Variants in LRRTM4 observed in about 807,000 individuals in gnomAD.
LRRTM4 encodes leucine-rich repeat transmembrane neuronal protein 4.
Under a neutral mutation model 47.6 loss-of-function variants are expected in LRRTM4, and 25 were observed. The ratio of observed to expected loss-of-function variants is 0.53; its 90% CI spans 0.38 to 0.73. The LOEUF is 0.73. Among genes scored for constraint, LRRTM4 ranks in the 30% least tolerant of loss-of-function variants. The probability of loss-of-function intolerance (pLI) is 0.00; values close to 1 mark genes in which losing one functional copy is unlikely to be tolerated. For missense variants in LRRTM4, 638 were observed against 713.4 expected (o/e 0.89, Z 1.20); for synonymous variants, 311 against 269.5 (o/e 1.15, Z -1.51).
At chr2:77,146,253 T>G (rs1227735754) in intron 3 of LRRTM4, among the ~76,000 whole-genome samples, 1 of 152,216 alleles carries the variant, frequency 6.6e-6, no homozygotes, top group African/African-American at 2.4e-5. Context: ...AACAGAATTA[T>G]AGTCATGACA....
intron 3 of LRRTM4, among the ~76,000 whole-genome samples, chr2:77,314,942 T>C (rs983722811): frequency 5.3e-5 from 8 of 152,190 alleles, no homozygotes; most frequent in Non-Finnish European, 2.9e-5. Context: ...CGTACTATGC[T>C]GTCAAATGAT....
chr2:76,776,456 G>C (rs1447764777), intron 3 of LRRTM4, among the ~76,000 whole-genome samples: 1 of 152,030 alleles, frequency 6.6e-6, no homozygotes, highest in Non-Finnish European at 1.5e-5. Flanking sequence ...CATTCTAACT[G>C]GTGTGAGATG....
At chr2:76,810,963 C>T (rs1670714480) in intron 3 of LRRTM4, among the ~76,000 whole-genome samples, 1 of 151,996 alleles carries the variant, frequency 6.6e-6, no homozygotes, top group Non-Finnish European at 1.5e-5. Context: ...ATTGTAACCA[C>T]TGGTTAAAAA....
chr2:77,252,007 C>T lies in LRRTM4; in HGVS notation c.1551+266311G>A, dbSNP rs558458083. On this transcript the variant is annotated intron_variant, in intron 3 of 3. Coordinates refer to ENST00000409884, the MANE Select transcript of LRRTM4 (RefSeq NM_001134745.3). ...AATATTGAAAATAAAATATTCCCTA[C>T]GACTTGCAGACAGATAACAGTATGC... 2.3e-4 allele frequency among the ~76,000 whole-genome samples: 35 copies of T among 152,180 alleles called. No homozygotes were observed. The South Asian group carries it at 5.2e-3, about 23-fold the overall frequency.
chr2:77,487,826 A>G (rs1298832473), intron 3 of LRRTM4, among the ~76,000 whole-genome samples: 1 of 152,140 alleles, frequency 6.6e-6, no homozygotes, highest in Non-Finnish European at 1.5e-5. Context: ...AAGCCCGTCA[A>G]AACCCCTGGA....
intron 3 of LRRTM4, among the ~76,000 whole-genome samples, chr2:77,375,635 T>C (rs1672808330): frequency 1.3e-5 from 2 of 151,806 alleles, no homozygotes; most frequent in South Asian, 4.1e-4. Context: ...TTCTATTCTC[T>C]GCTTCCATGA....
At chr2:76,794,286 C>A (rs371758374) in intron 3 of LRRTM4, among the ~76,000 whole-genome samples, 1 of 152,006 alleles carries the variant, frequency 6.6e-6, no homozygotes. Flanking sequence ...GTCCTTAGAT[C>A]GGAGATAACA....
intron 3 of LRRTM4, among the ~76,000 whole-genome samples, chr2:77,223,673 C>T (rs191824190): frequency 5.9e-5 from 9 of 152,060 alleles, no homozygotes; most frequent in East Asian, 1.9e-4. Context: ...AACCTCTTCA[C>T]GGAGAACTAC....
In LRRTM4 at chr2:77,480,783, G is replaced by GCAGTGTGTGTGTGTGTGTGT. The variant is rs199521864; in HGVS notation, c.1551+37534_1551+37535insACACACACACACACACACTG. Among the ~76,000 whole-genome samples, 5 of 97,056 alleles carry GCAGTGTGTGTGTGTGTGTGT rather than the reference G, an allele frequency of 5.2e-5. 1 individual carries two copies. Among genetic ancestry groups the GCAGTGTGTGTGTGTGTGTGT allele is most frequent in the East Asian group, 3.7e-4 (1 of 2,732 alleles). The allele number at this position is 97,056 out of a possible 152,430, so 63.7% of individuals were successfully genotyped here. On this transcript the variant is annotated intron_variant, in intron 3 of 3. Transcript: ENST00000409884. The stretch of plus-strand genomic sequence containing the variant: ...AAACTTGCTATGTGTGGCTGTTTTA[G>GCAGTGTGTGTGTGTGTGTGT]GAGTGTGTGTGTGTGTGTGTGTGTG...
At chr2:77,038,573 A>T (rs1473992116) in intron 3 of LRRTM4, among the ~76,000 whole-genome samples, 1 of 151,526 alleles carries the variant, frequency 6.6e-6, no homozygotes, top group Non-Finnish European at 1.5e-5. Context: ...AATTTATTCT[A>T]TTAGTTTCCC....
intron 3 of LRRTM4, among the ~76,000 whole-genome samples, chr2:77,071,418 G>C (rs1464515126): frequency 6.6e-6 from 1 of 151,976 alleles, no homozygotes; most frequent in Non-Finnish European, 1.5e-5. Flanking sequence ...AAATTTATGA[G>C]TGATATAAAG....
chr2:77,445,999 A>G (rs1181664370), intron 3 of LRRTM4, among the ~76,000 whole-genome samples: 1 of 152,032 alleles, frequency 6.6e-6, no homozygotes, highest in Non-Finnish European at 1.5e-5. Context: ...ATCATAATGC[A>G]AAAAATATGG....
intron 3 of LRRTM4, among the ~76,000 whole-genome samples, chr2:77,021,208 G>A (rs1678257952): frequency 6.7e-6 from 1 of 149,518 alleles, no homozygotes; most frequent in Non-Finnish European, 1.5e-5. Flanking sequence ...ATATATCAGT[G>A]ATGTATATAT....
intron 3 of LRRTM4, among the ~76,000 whole-genome samples, chr2:76,829,391 C>G (rs956602820): frequency 6.6e-6 from 1 of 151,818 alleles, no homozygotes; most frequent in Non-Finnish European, 1.5e-5. Context: ...ACAAAGGGCT[C>G]CCTTGCCTAA....
intron 3 of LRRTM4, among the ~76,000 whole-genome samples, chr2:76,854,030 G>T (rs1243666518): frequency 2.6e-5 from 4 of 151,972 alleles, no homozygotes; most frequent in Non-Finnish European, 5.9e-5. Context: ...ATTTATCATG[G>T]TCTCTTCCTT....
intron 3 of LRRTM4, among the ~76,000 whole-genome samples, chr2:77,361,136 A>T (rs980046413): frequency 1.3e-5 from 2 of 151,924 alleles, no homozygotes; most frequent in Non-Finnish European, 2.9e-5. Context: ...GTTCTTTATC[A>T]GCTCCTTCAG....
intron 3 of LRRTM4, among the ~76,000 whole-genome samples, chr2:77,035,446 T>G (rs1249548543): frequency 6.6e-6 from 1 of 151,842 alleles, no homozygotes; most frequent in African/African-American, 2.4e-5. Context: ...CAGCCACAGT[T>G]ACTTTTCTCA....
At chr2:77,202,782 C>T (rs1193501540) in intron 3 of LRRTM4, among the ~76,000 whole-genome samples, 3 of 151,872 alleles carry the variant, frequency 2.0e-5, no homozygotes, top group Non-Finnish European at 2.9e-5. Flanking sequence ...TATATTTTGT[C>T]TTCTCAGTAT....
chr2:77,185,530 A>G (rs1673478266), intron 3 of LRRTM4, among the ~76,000 whole-genome samples: 1 of 152,178 alleles, frequency 6.6e-6, no homozygotes, highest in Admixed American at 6.6e-5. Context: ...CAGAAAACTA[A>G]GGAAGTGACC....
Sources: gnomAD v4.1 joint callset for allele counts (sites outside exome capture counted in the v4.1 genomes callset) on GRCh38, gnomAD v4.1.1 for gene constraint, MANE v1.5 for transcripts, NCBI Gene and HGNC (gene_info 2026-07-23, HGNC 2026-07-21) for gene names.